The following TENM2 variants were observed in gnomAD, a reference collection of about 807,000 sequenced individuals.
TENM2 encodes the protein teneurin-2.
TENM2 carries 52 observed loss-of-function variants against 245.2 expected under a neutral mutation model. That is an observed-to-expected ratio of 0.21 (90% confidence interval 0.17 to 0.27). TENM2 has a LOEUF of 0.27. Among genes scored for constraint, TENM2 ranks in the 10% least tolerant of loss-of-function variants. TENM2 has a pLI of 1.00. For missense variants in TENM2, 3,046 were observed against 3,666.8 expected (o/e 0.83, Z 4.37); for synonymous variants, 1,363 against 1,438.9 (o/e 0.95, Z 1.19).
intron 27 of TENM2, among the ~76,000 whole-genome samples, chr5:168,255,221 A>G (rs549287533): frequency 2.6e-5 from 4 of 152,314 alleles, no homozygotes; most frequent in Non-Finnish European, 4.4e-5. Context: ...TCCCTTTTCA[A>G]TGCTCTCTTA....
intron 2 of TENM2, among the ~76,000 whole-genome samples, chr5:167,452,716 C>T (rs1180441965): frequency 6.6e-6 from 1 of 151,020 alleles, no homozygotes; most frequent in African/African-American, 2.4e-5. Flanking sequence ...TTAACACACA[C>T]CGGGAATTGA....
chr5:167,791,443 A>G (rs1195145078), intron 2 of TENM2, among the ~76,000 whole-genome samples: 1 of 143,360 alleles, frequency 7.0e-6, no homozygotes, highest in Admixed American at 7.0e-5. Flanking sequence ...ATATTTATAT[A>G]TAATATATTA....
chr5:168,206,668 T>C lies in TENM2; in HGVS notation c.3824+2047T>C, dbSNP rs369252023. 1.1e-3 allele frequency among the ~76,000 whole-genome samples: 170 copies of C among 152,284 alleles called. 1 individual carries two copies. The highest frequency in any genetic ancestry group is 3.9e-3 in the African/African-American group (163 of 41,564). On this transcript the variant is annotated intron_variant, in intron 19 of 28. Transcript: ENST00000518659. Reference sequence around the variant, plus strand: ...CTTTTCCTAGACTTGCCCATCCATATAGATTCCCTTCCCAAGATGTTGTTT... The same window carrying C: ...CTTTTCCTAGACTTGCCCATCCATACAGATTCCCTTCCCAAGATGTTGTTT...
chr5:168,243,070 G>A (rs540241397), intron 25 of TENM2, among the ~76,000 whole-genome samples: 2 of 152,088 alleles, frequency 1.3e-5, no homozygotes, highest in South Asian at 2.1e-4. Flanking sequence ...GACATCTCTC[G>A]AGTCTCTTCC....
Position 167,796,929 on chromosome 5 carries a change from T to C in TENM2, c.503-79057T>C, listed in dbSNP as rs114412418. The stretch of plus-strand genomic sequence containing the variant: ...GAGGATAGATTTTTTTTTTTTCTTA[T>C]TCTTTCCTCCCTCATACTGTCAATA... On this transcript the variant is annotated intron_variant, in intron 2 of 28. Transcript: ENST00000518659. Among the ~76,000 whole-genome samples, 654 of 152,156 alleles carry C rather than the reference T, an allele frequency of 4.3e-3. 10 individuals are homozygous for C. The highest frequency in any genetic ancestry group is 0.015 in the African/African-American group (614 of 41,490).
chr5:168,184,789 G>A (rs746107876), intron 13 of TENM2, among the ~76,000 whole-genome samples: 4 of 152,280 alleles, frequency 2.6e-5, no homozygotes, highest in Middle Eastern at 3.4e-3. Flanking sequence ...ACTAGTAAGC[G>A]TTTAATGGAG....
intron 1 of TENM2, among the ~76,000 whole-genome samples, chr5:167,374,403 T>C (rs1760618979): frequency 6.6e-6 from 1 of 152,152 alleles, no homozygotes; most frequent in African/African-American, 2.4e-5. Context: ...CACCTAAGGA[T>C]GCATTGCTCA....
intron 2 of TENM2, among the ~76,000 whole-genome samples, chr5:167,458,916 A>C (rs955900253): frequency 3.9e-5 from 6 of 152,218 alleles, no homozygotes; most frequent in African/African-American, 1.4e-4. Flanking sequence ...CTTATCTGCT[A>C]TGAAATACTG....
At chr5:167,518,084 G>C (rs1255619889) in intron 2 of TENM2, among the ~76,000 whole-genome samples, 1 of 151,806 alleles carries the variant, frequency 6.6e-6, no homozygotes, top group East Asian at 1.9e-4. Flanking sequence ...CTATCACGAG[G>C]CTGAGGCAGG....
intron 5 of TENM2, among the ~76,000 whole-genome samples, chr5:167,999,395 A>G (rs1784271646): frequency 6.6e-6 from 1 of 152,218 alleles, no homozygotes; most frequent in South Asian, 2.1e-4. Flanking sequence ...TATCTAATAG[A>G]TATGCTAATG....
the TENM2 span, among the ~76,000 whole-genome samples, chr5:167,095,807 G>A: frequency 4.7e-5 from 6 of 128,288 alleles, no homozygotes; most frequent in Non-Finnish European, 8.1e-5. Flanking sequence ...TTTCGCTCTT[G>A]TTGTCCAGAC....
intron 27 of TENM2, among the ~76,000 whole-genome samples, chr5:168,254,902 CG>C (rs1767507994): frequency 6.6e-6 from 1 of 151,958 alleles, no homozygotes; most frequent in Non-Finnish European, 1.5e-5. Flanking sequence ...CAAAAATTAG[CG>C]GGGCATGGTG....
intron 13 of TENM2, among the ~76,000 whole-genome samples, chr5:168,189,081 T>C (rs1440343130): frequency 6.6e-6 from 1 of 152,208 alleles, no homozygotes; most frequent in African/African-American, 2.4e-5. Flanking sequence ...TGTCCACACA[T>C]GGCAGAAAGA....
intron 7 of TENM2, among the ~76,000 whole-genome samples, chr5:168,070,866 G>A (rs183884339): frequency 8.2e-4 from 122 of 148,294 alleles, no homozygotes; most frequent in Middle Eastern, 3.5e-3. Context: ...AAGGAAGGAC[G>A]GGAGGGAAGA....
At chr5:167,241,650 A>T in the TENM2 span, among the ~76,000 whole-genome samples, 1 of 152,204 alleles carries the variant, frequency 6.6e-6, no homozygotes. Flanking sequence ...AATGTTGCCA[A>T]GGGGTTGAAT....
At chr5:167,494,550 A>G (rs983651073) in intron 2 of TENM2, among the ~76,000 whole-genome samples, 8 of 152,092 alleles carry the variant, frequency 5.3e-5, no homozygotes, top group African/African-American at 1.7e-4. Context: ...CACTGATCCT[A>G]TGTGTCCAGT....
intron 11 of TENM2, among the ~76,000 whole-genome samples, chr5:168,125,333 A>C (rs550283533): frequency 6.6e-6 from 1 of 152,276 alleles, no homozygotes; most frequent in Admixed American, 6.5e-5. Flanking sequence ...ACATTCCCTA[A>C]AGGTACCAGA....
chr5:167,195,125 C>A, the TENM2 span, among the ~76,000 whole-genome samples: 1 of 151,996 alleles, frequency 6.6e-6, no homozygotes, highest in Admixed American at 6.6e-5. Flanking sequence ...GGTAAAGGAT[C>A]TCAGTGGGAA....
chr5:168,230,712 A>G (rs1297442268), intron 25 of TENM2, among the ~76,000 whole-genome samples: 2 of 152,176 alleles, frequency 1.3e-5, no homozygotes, highest in Admixed American at 1.3e-4. Flanking sequence ...ATTTATTCAA[A>G]AGATGTTTAT....
Sources: allele counts gnomAD v4.1 joint callset (sites outside exome capture counted in the v4.1 genomes callset), GRCh38; gene constraint gnomAD v4.1.1; transcripts MANE v1.5; gene names NCBI Gene and HGNC (gene_info 2026-07-23, HGNC 2026-07-21).